Variants in MEGF8 observed in about 807,000 individuals in gnomAD.
The protein encoded by MEGF8 is multiple EGF like domains 8, also known as multiple epidermal growth factor-like domains protein 8.
Under a neutral mutation model 302.9 loss-of-function variants are expected in MEGF8, and 156 were observed. The observed-to-expected ratio is 0.52, with a 90% CI of 0.45 to 0.59. MEGF8 has a LOEUF of 0.59. Among genes scored for constraint, MEGF8 ranks in the 20% least tolerant of loss-of-function variants. The pLI is 0.00. For missense variants in MEGF8, 3,345 were observed against 3,964.5 expected, an observed-to-expected ratio of 0.84 and a Z score of 4.20; for synonymous variants, 1,621 against 1,660.5, an observed-to-expected ratio of 0.98 and a Z score of 0.58.
chr19:42,376,167 G>A lies in MEGF8; in HGVS notation c.7930G>A (p.Ala2644Thr), dbSNP rs1184993084. 6.2e-7 allele frequency: 1 copy of A among 1,610,920 alleles called. No individual in the cohort carries two copies. The highest frequency in any genetic ancestry group is 8.5e-7 in the Non-Finnish European group (1 of 1,179,476). Residue 2644 changes from alanine to threonine, a missense_variant, in exon 42 of 42, where the codon GCC becomes ACC. Ala to Thr is a moderately conservative substitution (Grantham distance 58). Coordinates refer to ENST00000251268, the MANE Select transcript of MEGF8 (RefSeq NM_001271938.2). This position sits in a 1 kb window ranked among gnomAD's most constrained non-coding sequence, Gnocchi z 8.2. ...CCTGCTCTTCTTCCGGCAGGACCAG[G>A]CCCACATTGACCTGTTTGTCTTCTT... ...QGLLFFRQDQ[A>T]HIDLFVFFSV...
chr19:42,358,427 T>C lies in MEGF8; in HGVS notation c.5175+120T>C. The stretch of plus-strand genomic sequence containing the variant: ...TGCTTCCCCTCCTTTCTATGTTCCC[T>C]AACTAAGCGACACCCCCACATCTCC... On this transcript the variant is annotated intron_variant, in intron 29 of 41. Coordinates refer to ENST00000251268, the MANE Select transcript of MEGF8 (RefSeq NM_001271938.2). The surrounding 1 kb of genome is among the most constrained non-coding windows in gnomAD (Gnocchi z 4.4). 1 of 1,268,438 alleles carries C rather than the reference T, an allele frequency of 7.9e-7. No individual in the cohort carries two copies. The highest frequency in any genetic ancestry group is 1.1e-6 in the Non-Finnish European group (1 of 941,000). The allele number at this position is 1,268,438 out of a possible 1,614,324, so 78.6% of individuals were successfully genotyped here.
At chr19:42,373,689 C>G (rs990463851) in intron 41 of MEGF8, among the ~76,000 whole-genome samples, 30 of 149,610 alleles carry the variant, frequency 2.0e-4, no homozygotes, top group African/African-American at 7.4e-4. Flanking sequence ...AGCCACCGTG[C>G]CTGGTTGGGC....
chr19:42,353,666 G>A lies in MEGF8; in HGVS notation c.3752G>A (p.Gly1251Glu), dbSNP rs777218164. The change falls in exon 21 of 42, where the codon GGG becomes GAG. Residue 1251 changes from glycine (G) to glutamate (E), a missense_variant. Gly to Glu is a moderately conservative substitution (Grantham distance 98). Transcript: ENST00000251268. The surrounding 1 kb of genome is among the most constrained non-coding windows in gnomAD (Gnocchi z 6.1). ...HCQLCSPGYYGDPRAGGSCFR... is the reference protein window; with the variant it reads ...HCQLCSPGYYEDPRAGGSCFR... ...CAGCTCTGCTCCCCAGGCTATTATG[G>A]GGATCCCCGGTGAGCCAACGGGCCA... 2 of 1,576,964 alleles carry A rather than the reference G, an allele frequency of 1.3e-6. No homozygotes were observed. Among genetic ancestry groups the A allele is most frequent in the Non-Finnish European group, 1.7e-6 (2 of 1,157,588 alleles).
rs1463261123 is a variant in MEGF8, at chr19:42,351,205, C to A, written c.2737-11C>A. On this transcript the variant is annotated splice_polypyrimidine_tract_variant and intron_variant, in intron 15 of 41. Coordinates refer to ENST00000251268, the MANE Select transcript of MEGF8 (RefSeq NM_001271938.2). This position sits in a 1 kb window ranked among gnomAD's most constrained non-coding sequence, Gnocchi z 5.6. ...GTGGGGTTCTGACTCCTCTGCCCAA[C>A]TGACCCCCAGGACCCCTTCTGTGAG... The A allele has an allele frequency of 1.3e-6, 2 of 1,552,760 alleles. No individual in the cohort carries two copies. The highest frequency in any genetic ancestry group is 2.7e-5 in the African/African-American group (2 of 73,230).
In MEGF8 at chr19:42,354,452, A is replaced by T. The variant is rs1332230901; in HGVS notation, c.4012-136A>T. 4.0e-6 allele frequency: 4 copies of T among 1,007,844 alleles called. No homozygotes were observed. Among genetic ancestry groups the T allele is most frequent in the Non-Finnish European group, 5.9e-6 (4 of 682,632 alleles). The allele number at this position is 1,007,844 out of a possible 1,614,324, so 62.4% of individuals were successfully genotyped here. On this transcript the variant is annotated intron_variant, in intron 22 of 41. Transcript: ENST00000251268. The surrounding 1 kb of genome is among the most constrained non-coding windows in gnomAD (Gnocchi z 4.3). ...TGGTGGCCTTATGCCATAGTTTGAC[A>T]GTCTCCCCTGGATGTTCAAACAGCC... is the stretch of plus-strand genomic sequence containing the variant.
chr19:42,344,359 G>A lies in MEGF8; in HGVS notation c.1789-82G>A. ...CAGTTTTTTCGCCCTTTCCATCGCA[G>A]GACCCTGTATCCACAGCCCTTCCTT... On this transcript the variant is annotated intron_variant, in intron 10 of 41. Coordinates refer to ENST00000251268, the MANE Select transcript of MEGF8 (RefSeq NM_001271938.2). The surrounding 1 kb of genome is among the most constrained non-coding windows in gnomAD (Gnocchi z 4.5). 6.7e-7 allele frequency: 1 copy of A among 1,495,324 alleles called. No homozygotes were observed. The highest frequency in any genetic ancestry group is 1.3e-5 in the South Asian group (1 of 75,912). The allele number at this position is 1,495,324 out of a possible 1,614,324, so 92.6% of individuals were successfully genotyped here. A position where few individuals can be genotyped will look rare whatever the true frequency, so the allele number is the denominator to read the frequency against.
At chr19:42,348,699 A>G (rs1433144103) in intron 13 of MEGF8, among the ~76,000 whole-genome samples, 2 of 152,144 alleles carry the variant, frequency 1.3e-5, no homozygotes, top group Non-Finnish European at 2.9e-5. Flanking sequence ...TCCCAGGTTC[A>G]AGCAATTCTT....
chr19:42,344,164 C>G lies in MEGF8; in HGVS notation c.1788+91C>G. On this transcript the variant is annotated intron_variant, in intron 10 of 41. Coordinates refer to ENST00000251268, the MANE Select transcript of MEGF8 (RefSeq NM_001271938.2). This position sits in a 1 kb window ranked among gnomAD's most constrained non-coding sequence, Gnocchi z 4.5. ...CTAACCAGATGGACAAGAACTTTCC[C>G]TCAACTGGGAGACTTGTTTTCATGC... 2 of 1,479,384 alleles carry G rather than the reference C, an allele frequency of 1.4e-6. No homozygotes were observed. Among genetic ancestry groups the G allele is most frequent in the Non-Finnish European group, 1.8e-6 (2 of 1,107,210 alleles). The allele number at this position is 1,479,384 out of a possible 1,614,324, so 91.6% of individuals were successfully genotyped here. A position where few individuals can be genotyped will look rare whatever the true frequency, so the allele number is the denominator to read the frequency against.
At position 42,363,045 on chromosome 19, in the gene MEGF8, C is replaced by A; in HGVS notation, c.6059-3C>A. 6.2e-7 allele frequency: 1 copy of A among 1,611,154 alleles called. No homozygotes were observed. The highest frequency in any genetic ancestry group is 8.5e-7 in the Non-Finnish European group (1 of 1,178,762). ...GGTTCTAATCCCCGTGCCCCACCCC[C>A]AGGGGAGACCCGCCGCATCCTCTCC... On this transcript the variant is annotated splice_region_variant and splice_polypyrimidine_tract_variant and intron_variant, in intron 34 of 41. Transcript: ENST00000251268.
intron 1 of MEGF8, among the ~76,000 whole-genome samples, chr19:42,331,458 G>T (rs909144896): frequency 5.3e-5 from 8 of 152,216 alleles, no homozygotes; most frequent in Non-Finnish European, 7.3e-5. Flanking sequence ...GGCTTCTCAT[G>T]TGGGATGTGG....
In MEGF8 at chr19:42,352,915, C is replaced by A. The variant is rs1177524359; in HGVS notation, c.3351-13C>A. On this transcript the variant is annotated splice_polypyrimidine_tract_variant and intron_variant, in intron 19 of 41. Coordinates refer to ENST00000251268, the MANE Select transcript of MEGF8 (RefSeq NM_001271938.2). This position sits in a 1 kb window ranked among gnomAD's most constrained non-coding sequence, Gnocchi z 4.4. ...TGCCTGGCGCTTTCCCCACCCCCAA[C>A]ACGGCCCCTCAGGTGCTTGGAGGAC... is the stretch of plus-strand genomic sequence containing the variant. 6.3e-7 allele frequency: 1 copy of A among 1,575,730 alleles called. No individual in the cohort carries two copies. Among genetic ancestry groups the A allele is most frequent in the East Asian group, 2.3e-5 (1 of 42,930 alleles).
At position 42,375,696 on chromosome 19, in the gene MEGF8, G is replaced by A. The variant is rs2039756737; in HGVS notation, c.7459G>A (p.Val2487Met). The A allele has an allele frequency of 6.2e-7, 1 of 1,610,934 alleles. No homozygotes were observed. The highest frequency in any genetic ancestry group is 1.1e-5 in the South Asian group (1 of 90,472). The change falls in exon 42 of 42, where the codon GTG (valine) becomes ATG (methionine). Residue 2487 changes from valine to methionine, a missense_variant. Coordinates refer to ENST00000251268, the MANE Select transcript of MEGF8 (RefSeq NM_001271938.2). The surrounding 1 kb of genome is among the most constrained non-coding windows in gnomAD (Gnocchi z 7.1). Reference sequence around the variant, plus strand: ...TGGCGTGCAGCCCAAATTCACCAACGTGGACATCCGCCTGACGCTGGACGT... The same window carrying A: ...TGGCGTGCAGCCCAAATTCACCAACATGGACATCCGCCTGACGCTGGACGT... Reference protein sequence around the residue: ...LFGVQPKFTNVDIRLTLDVTF... With the variant: ...LFGVQPKFTNMDIRLTLDVTF...
Position 42,336,402 on chromosome 19 carries a change from T to A in MEGF8, c.1244+56T>A. On this transcript the variant is annotated intron_variant, in intron 6 of 41. Transcript: ENST00000251268. This position sits in a 1 kb window ranked among gnomAD's most constrained non-coding sequence, Gnocchi z 4.8. ...ACAGGCCAGGCCCAGCTCAACACCA[T>A]AGGCCTTTAGTCTTTAGAGGTCTTT... 6.7e-7 allele frequency: 1 copy of A among 1,492,394 alleles called. No homozygotes were observed. Among genetic ancestry groups the A allele is most frequent in the Non-Finnish European group, 8.9e-7 (1 of 1,119,608 alleles). 92.4% of individuals were successfully genotyped at this position (1,492,394 alleles called of 1,614,324 possible).
chr19:42,372,082 C>A lies in MEGF8; in HGVS notation c.7269+600C>A, dbSNP rs1459420476. 2.7e-5 allele frequency among the ~76,000 whole-genome samples: 4 copies of A among 149,962 alleles called. No homozygotes were observed. In the South Asian group the frequency reaches 8.3e-4, roughly 31 times the overall value. On this transcript the variant is annotated intron_variant, in intron 41 of 41. Coordinates refer to ENST00000251268, the MANE Select transcript of MEGF8 (RefSeq NM_001271938.2). ...CAACAACAACAACAACAAACACACACACACACACACACACACAACAGAAGA... is the reference window on the plus strand; with the variant it reads ...CAACAACAACAACAACAAACACACAAACACACACACACACACAACAGAAGA...
At chr19:42,362,018 C>T (rs2039538306) in intron 32 of MEGF8, 72 bp from the exon 33 acceptor site, 3 of 1,575,954 alleles carry the variant, frequency 1.9e-6, no homozygotes, top group South Asian at 1.2e-5. Context: ...TGGGGGCCTG[C>T]AGGACAGTGT....
chr19:42,358,404 C>A lies in MEGF8; in HGVS notation c.5175+97C>A. On this transcript the variant is annotated intron_variant, in intron 29 of 41. Coordinates refer to ENST00000251268, the MANE Select transcript of MEGF8 (RefSeq NM_001271938.2). This position sits in a 1 kb window ranked among gnomAD's most constrained non-coding sequence, Gnocchi z 4.4. ...GGACTGGCTCCATCCCAGATTCCTG[C>A]TTCCCCTCCTTTCTATGTTCCCTAA... The A allele has an allele frequency of 7.2e-7, 1 of 1,390,502 alleles. No homozygotes were observed. Among genetic ancestry groups the A allele is most frequent in the Non-Finnish European group, 9.6e-7 (1 of 1,040,668 alleles). 86.1% of individuals were successfully genotyped at this position (1,390,502 alleles called of 1,614,324 possible).
intron 14 of MEGF8, 139 bp from the exon 15 acceptor site, chr19:42,350,009 C>G: frequency 1.4e-6 from 1 of 705,642 alleles, no homozygotes; most frequent in Non-Finnish European, 2.4e-6. Context: ...CCTTGGACCT[C>G]TTTACTGATT....
At position 42,357,476 on chromosome 19, in the gene MEGF8, CT is replaced by C; in HGVS notation, c.4904del (p.Leu1635ArgfsTer95). On this transcript the variant is annotated frameshift_variant, in exon 28 of 42. Transcript: ENST00000251268. LOFTEE classifies it high-confidence loss of function. The surrounding 1 kb of genome is among the most constrained non-coding windows in gnomAD (Gnocchi z 5.2). ...LTARRGLSLLLVGGYSPENGF... is the reference protein window; with the variant it reads ...LTARRGLSLLXVGGYSPENGF... ...TGCCCGCCGAGGCCTGTCTCTGCTCCTGGTGGGCGGTTACTCCCCGGAAAAT... is the reference window on the plus strand; with the variant it reads ...TGCCCGCCGAGGCCTGTCTCTGCTCCGGTGGGCGGTTACTCCCCGGAAAAT... 1 of 1,613,822 alleles carries C rather than the reference CT, an allele frequency of 6.2e-7. No individual in the cohort carries two copies. The highest frequency in any genetic ancestry group is 8.5e-7 in the Non-Finnish European group (1 of 1,179,816).
At chr19:42,341,922 C>T (rs10421510) in intron 8 of MEGF8, among the ~76,000 whole-genome samples, 3,126 of 152,240 alleles carry the variant, frequency 0.021, 113 homozygotes, top group African/African-American at 0.07. Context: ...CGTATCACTT[C>T]GGGGACGTGT....
Sources: gnomAD v4.1 joint callset for allele counts (sites outside exome capture counted in the v4.1 genomes callset) on GRCh38, gnomAD v4.1.1 for gene constraint, Gnocchi (gnomAD v3.1) non-coding constraint, MANE v1.5 for transcripts, NCBI Gene and HGNC (gene_info 2026-07-23, HGNC 2026-07-21) for gene names.